The following DUSP22 variants were observed in gnomAD, a reference collection of about 807,000 sequenced individuals.
DUSP22 encodes dual specificity protein phosphatase 22.
A neutral mutation model predicts 24.5 loss-of-function variants in DUSP22; 24 were observed. The ratio of observed to expected loss-of-function variants is 0.98; its 90% confidence interval spans 0.71 to 1.38. The LOEUF is 1.38. Ranked by LOEUF, DUSP22 falls within the 40% of genes most tolerant of loss-of-function variation. The pLI, the probability that DUSP22 is intolerant of heterozygous loss-of-function variation, is 0.00. For missense variants in DUSP22, 330 were observed against 269.2 expected, an observed-to-expected ratio of 1.23 and a Z score of -1.58; for synonymous variants, 160 against 106.4, an observed-to-expected ratio of 1.50 and a Z score of -3.10.
intron 3 of DUSP22, among the ~76,000 whole-genome samples, chr6:318,586 C>T (rs1362379778): frequency 1.3e-5 from 2 of 151,842 alleles, no homozygotes; most frequent in Non-Finnish European, 1.5e-5. Context: ...CAGGGCCTTT[C>T]CCCAGGTGAC....
intron 2 of DUSP22, among the ~76,000 whole-genome samples, chr6:307,748 T>G (rs887840050): frequency 6.6e-6 from 1 of 152,302 alleles, no homozygotes; most frequent in Non-Finnish European, 1.5e-5. Context: ...GTGGGAACGC[T>G]CTTAGGTACT....
chr6:296,917 C>T (rs1757360580), intron 1 of DUSP22, among the ~76,000 whole-genome samples: 1 of 152,304 alleles, frequency 6.6e-6, no homozygotes, highest in African/African-American at 2.4e-5. Flanking sequence ...CCTCTTCCTT[C>T]CTCCCTGCTG....
intron 1 of DUSP22, among the ~76,000 whole-genome samples, chr6:302,686 T>C (rs1157085266): frequency 1.3e-5 from 2 of 152,306 alleles, no homozygotes; most frequent in Non-Finnish European, 2.9e-5. Context: ...ATGCTTATAG[T>C]CTAGAAACAT....
chr6:333,063 CAAT>C (rs1461538371), intron 3 of DUSP22, among the ~76,000 whole-genome samples: 2 of 152,304 alleles, frequency 1.3e-5, no homozygotes, highest in Non-Finnish European at 2.9e-5. Flanking sequence ...TTACTTTTAA[CAAT>C]AATACTTCCT....
chr6:298,553 C>T (rs1223272236), intron 1 of DUSP22, among the ~76,000 whole-genome samples: 1 of 152,304 alleles, frequency 6.6e-6, no homozygotes, highest in East Asian at 1.9e-4. Context: ...TTCTTTTGTG[C>T]TTAAGTGCGT....
At chr6:315,577 T>A (rs1416975112) in intron 3 of DUSP22, among the ~76,000 whole-genome samples, 1 of 152,308 alleles carries the variant, frequency 6.6e-6, no homozygotes, top group African/African-American at 2.4e-5. Context: ...AAAAAGGTTG[T>A]GCTATTTGTG....
At chr6:298,659 A>G (rs1265512994) in intron 1 of DUSP22, among the ~76,000 whole-genome samples, 5 of 152,310 alleles carry the variant, frequency 3.3e-5, no homozygotes, top group Admixed American at 3.3e-4. Flanking sequence ...ATTTCAAAGC[A>G]TTTCTGCAGA....
chr6:301,252 C>T (rs1757568850), intron 1 of DUSP22, among the ~76,000 whole-genome samples: 1 of 115,302 alleles, frequency 8.7e-6, no homozygotes, highest in South Asian at 3.4e-4. Context: ...TCGAGCATAC[C>T]CAAGGGATAA....
intron 1 of DUSP22, among the ~76,000 whole-genome samples, chr6:302,604 G>A (rs990660490): frequency 3.9e-5 from 6 of 152,296 alleles, no homozygotes; most frequent in East Asian, 1.9e-4. Context: ...ACACCTCTAC[G>A]CTGAGTGCCC....
intron 1 of DUSP22, among the ~76,000 whole-genome samples, chr6:303,139 A>C (rs977316985): frequency 2.6e-5 from 4 of 152,398 alleles, no homozygotes; most frequent in Middle Eastern, 3.4e-3. Flanking sequence ...GGCAGGAGAG[A>C]CCCTCGGGAA....
At chr6:300,604 G>A (rs1757535083) in intron 1 of DUSP22, among the ~76,000 whole-genome samples, 1 of 152,306 alleles carries the variant, frequency 6.6e-6, no homozygotes, top group African/African-American at 2.4e-5. Context: ...GTGAAGTCCA[G>A]AAAGGGCAGA....
At chr6:317,339 C>G (rs533758245) in intron 3 of DUSP22, among the ~76,000 whole-genome samples, 135 of 152,368 alleles carry the variant, frequency 8.9e-4, no homozygotes, top group Middle Eastern at 3.4e-3. Context: ...CACCCCATTT[C>G]TCTTGAACAA....
intron 2 of DUSP22, among the ~76,000 whole-genome samples, chr6:308,891 G>A (rs1757944264): frequency 6.6e-6 from 1 of 152,388 alleles, no homozygotes; most frequent in Non-Finnish European, 1.5e-5. Flanking sequence ...GGAGCCAGGT[G>A]GGTGGGTCAG....
intron 4 of DUSP22, among the ~76,000 whole-genome samples, chr6:338,728 A>G (rs1269810795): frequency 3.9e-5 from 6 of 152,306 alleles, no homozygotes; most frequent in Non-Finnish European, 7.3e-5. Context: ...ATTGTTTTAA[A>G]CTTAAGTACA....
intron 3 of DUSP22, among the ~76,000 whole-genome samples, chr6:317,660 T>G (rs1367159577): frequency 4.6e-5 from 7 of 152,302 alleles, no homozygotes; most frequent in Admixed American, 4.6e-4. Flanking sequence ...TAACCTGTGC[T>G]TTATGACGTA....
At chr6:322,144 A>G (rs562251945) in intron 3 of DUSP22, among the ~76,000 whole-genome samples, 1 of 152,392 alleles carries the variant, frequency 6.6e-6, no homozygotes, top group East Asian at 1.9e-4. Flanking sequence ...ACATATCTAC[A>G]TAGTGTATAC....
intron 1 of DUSP22, among the ~76,000 whole-genome samples, chr6:302,746 A>AG: frequency 6.6e-6 from 1 of 152,310 alleles, no homozygotes; most frequent in African/African-American, 2.4e-5. Flanking sequence ...TCACTGCTGT[A>AG]AAAAGTGATC....
intron 1 of DUSP22, among the ~76,000 whole-genome samples, chr6:303,986 A>G (rs1213212671): frequency 6.6e-6 from 1 of 152,308 alleles, no homozygotes; most frequent in Non-Finnish European, 1.5e-5. Flanking sequence ...CTTAACCTGC[A>G]TATATGTGGA....
intron 3 of DUSP22, among the ~76,000 whole-genome samples, chr6:326,454 G>C (rs1758877012): frequency 6.8e-6 from 1 of 147,134 alleles, no homozygotes; most frequent in Non-Finnish European, 1.5e-5. Flanking sequence ...TCTGCCCTGG[G>C]CTTCTGCGTC....
Sources: gnomAD v4.1 joint callset for allele counts (sites outside exome capture counted in the v4.1 genomes callset) on GRCh38, gnomAD v4.1.1 for gene constraint, MANE v1.5 for transcripts, NCBI Gene and HGNC (gene_info 2026-07-23, HGNC 2026-07-21) for gene names.